USP37: variants seen among roughly 807,000 people sequenced by gnomAD.
USP37 encodes ubiquitin specific peptidase 37.
USP37 carries 27 observed loss-of-function variants against 124.0 expected under a neutral mutation model. The ratio of observed to expected loss-of-function variants is 0.22; its 90% CI spans 0.16 to 0.30. USP37 has a LOEUF of 0.30. Ranked by LOEUF, USP37 falls within the 10% of genes least tolerant of loss-of-function variation. The probability of loss-of-function intolerance (pLI) is 1.00; values close to 1 mark genes in which losing one functional copy is unlikely to be tolerated. For synonymous variants in USP37, 365 were observed against 388.0 expected (o/e 0.94, Z 0.70); for missense variants, 889 against 1,140.4 (o/e 0.78, Z 3.17).
rs1381312889 is a variant in USP37, at chr2:218,459,783, C to T, written c.2643+7G>A. ...GACCAACTGTACTCAGGAATGAAAA[C>T]AATTACCTCAGCATTTCTTTTCAGT... On this transcript the variant is annotated splice_region_variant and intron_variant, in intron 23 of 25. Transcript: ENST00000258399. 3.7e-6 allele frequency: 6 copies of T among 1,608,546 alleles called. No homozygotes were observed. The highest frequency in any genetic ancestry group is 5.1e-6 in the Non-Finnish European group (6 of 1,176,172).
intron 11 of USP37, among the ~76,000 whole-genome samples, chr2:218,502,273 G>A (rs1460237168): frequency 6.6e-6 from 1 of 151,994 alleles, no homozygotes; most frequent in African/African-American, 2.4e-5. Flanking sequence ...AGAAGTGAAA[G>A]ATTTTTTAAA....
rs148133134 is a variant in USP37, at chr2:218,532,889, A to G, written c.778+1720T>C. On this transcript the variant is annotated intron_variant, in intron 9 of 25. Coordinates refer to ENST00000258399, the MANE Select transcript of USP37 (RefSeq NM_020935.3). ...GGATGCAGTGAGACAAGATCACACC[A>G]CTGAACTCCAGCCAGGGCGACAGAG... 2.0e-4 allele frequency among the ~76,000 whole-genome samples: 30 copies of G among 152,000 alleles called. 2 individuals are homozygous for G. In the East Asian group the frequency reaches 5.6e-3, roughly 28 times the overall value.
intron 19 of USP37, 148 bp from the exon 20 acceptor site, chr2:218,475,033 C>T (rs1690890404): frequency 1.6e-6 from 1 of 644,024 alleles, no homozygotes; most frequent in East Asian, 3.0e-5. Context: ...AATATATAAA[C>T]TAAATGGTGA....
intron 10 of USP37, among the ~76,000 whole-genome samples, chr2:218,518,839 C>T (rs1690437862): frequency 6.6e-6 from 1 of 151,976 alleles, no homozygotes; most frequent in South Asian, 2.1e-4. Context: ...CAATTAAGCC[C>T]ACAGTGTGAT....
At chr2:218,485,632 T>C (rs761749145) in intron 16 of USP37, 32 bp downstream of exon 16, 18 of 1,113,988 alleles carry the variant, frequency 1.6e-5, no homozygotes, top group African/African-American at 1.2e-4. Flanking sequence ...CTTTAGTCCA[T>C]AGCAAAAAAA....
chr2:218,474,634 C>T lies in USP37; in HGVS notation c.2295G>A (p.Glu765=). 1.9e-6 allele frequency: 3 copies of T among 1,614,086 alleles called. No homozygotes were observed. Among genetic ancestry groups the T allele is most frequent in the Non-Finnish European group, 2.5e-6 (3 of 1,180,008 alleles). ...TTTAATCTTCATTAAACCTACCCAG[C>T]TCTGTGATTGTTTTGGGCTTCTCAG... ...METEKPKTIT[E]LDPASFTEIT... The change falls in exon 20 of 26, where the codon GAG becomes GAA. Residue 765 remains glutamate, a synonymous_variant. Coordinates refer to ENST00000258399, the MANE Select transcript of USP37 (RefSeq NM_020935.3).
intron 10 of USP37, among the ~76,000 whole-genome samples, chr2:218,510,686 T>C (rs1002920138): frequency 1.3e-5 from 2 of 152,226 alleles, no homozygotes; most frequent in African/African-American, 4.8e-5. Flanking sequence ...TTTACATTAC[T>C]TATTATTATC....
chr2:218,509,956 G>A (rs1205796987), intron 11 of USP37, 23 bp downstream of exon 11: 6 of 1,502,152 alleles, frequency 4.0e-6, no homozygotes, highest in Non-Finnish European at 5.4e-6. Flanking sequence ...AAAAAAGAAA[G>A]TAAAATGAAA....
In USP37 at chr2:218,454,503, G is replaced by A. The variant is rs1475263628; in HGVS notation, c.*427C>T. ...TAAGTATGTCTTCACACATTTCTCA[G>A]GTGAATGGACTCTTTGACACCTTCA... is the stretch of plus-strand genomic sequence containing the variant. On this transcript the variant is annotated 3_prime_UTR_variant, in exon 26 of 26. Coordinates refer to ENST00000258399, the MANE Select transcript of USP37 (RefSeq NM_020935.3). 1 of 154,920 alleles carries A rather than the reference G, an allele frequency of 6.5e-6. No individual in the cohort carries two copies. Among genetic ancestry groups the A allele is most frequent in the East Asian group, 1.9e-4 (1 of 5,268 alleles). 9.6% of individuals were successfully genotyped at this position (154,920 alleles called of 1,614,324 possible).
At chr2:218,554,622 C>T (rs1160445934) in intron 4 of USP37, among the ~76,000 whole-genome samples, 4 of 152,070 alleles carry the variant, frequency 2.6e-5, no homozygotes, top group African/African-American at 7.2e-5. Flanking sequence ...TGGAGCACAC[C>T]TGTAGTCCCA....
chr2:218,534,688 T>C lies in USP37; in HGVS notation c.699A>G (p.Thr233=), dbSNP rs1246374633. 15 of 1,605,896 alleles carry C rather than the reference T, an allele frequency of 9.3e-6. No individual in the cohort carries two copies. Among genetic ancestry groups the C allele is most frequent in the Non-Finnish European group, 1.2e-5 (14 of 1,176,248 alleles). ...NDSSSNNKAM[T]DPSRKYLTSS... ...TGGTTAAATACTTTCTGGAGGGATC[T>C]GTCATGGCCTTGTTGTTCCTATAGT... The change falls in exon 9 of 26, where the codon ACA becomes ACG. Residue 233 remains threonine (T), a synonymous_variant. Transcript: ENST00000258399.
intron 11 of USP37, among the ~76,000 whole-genome samples, chr2:218,499,586 T>C (rs1282315208): frequency 4.6e-5 from 7 of 152,234 alleles, no homozygotes; most frequent in Non-Finnish European, 1.0e-4. Flanking sequence ...TATACGTTTC[T>C]TAATTCAATT....
intron 10 of USP37, among the ~76,000 whole-genome samples, chr2:218,511,454 G>A (rs1271409284): frequency 2.0e-5 from 3 of 152,148 alleles, no homozygotes; most frequent in African/African-American, 2.4e-5. Context: ...GACTACAGGC[G>A]TGCGCCACCA....
In USP37 at chr2:218,453,656, T is replaced by A. The variant is rs904374617; in HGVS notation, c.*1274A>T. ...GGTTACGTCAGCTAAGTGACTAGCATAGCACTTAATGTTGCCGCTCTACTT... is the reference window on the plus strand; with the variant it reads ...GGTTACGTCAGCTAAGTGACTAGCAAAGCACTTAATGTTGCCGCTCTACTT... On this transcript the variant is annotated 3_prime_UTR_variant, in exon 26 of 26. Coordinates refer to ENST00000258399, the MANE Select transcript of USP37 (RefSeq NM_020935.3). 1 of 152,218 alleles carries A rather than the reference T, an allele frequency of 6.6e-6. No individual in the cohort carries two copies. The highest frequency in any genetic ancestry group is 6.6e-5 in the Admixed American group (1 of 15,264). 9.4% of individuals were successfully genotyped at this position (152,218 alleles called of 1,614,324 possible). A position where few individuals can be genotyped will look rare whatever the true frequency, so the allele number is the denominator to read the frequency against.
intron 10 of USP37, among the ~76,000 whole-genome samples, chr2:218,523,113 C>T (rs1236142955): frequency 1.3e-5 from 2 of 151,958 alleles, no homozygotes; most frequent in African/African-American, 4.8e-5. Context: ...CCGTCTCTAC[C>T]AAAAATACAA....
intron 20 of USP37, 103 bp from the exon 21 acceptor site, chr2:218,466,279 A>T: frequency 7.8e-7 from 1 of 1,288,324 alleles, no homozygotes. Context: ...CCCTAATTTC[A>T]TCTATAATTT....
At chr2:218,524,193 A>T (rs563153) in intron 10 of USP37, among the ~76,000 whole-genome samples, 150,876 of 152,342 alleles carry the variant, frequency 0.99, 74,729 homozygotes, top group Middle Eastern at 1. Flanking sequence ...TGTGTTCATA[A>T]GTGAAAAACT....
intron 22 of USP37, among the ~76,000 whole-genome samples, chr2:218,460,310 A>C (rs1360994660): frequency 6.6e-6 from 1 of 152,064 alleles, no homozygotes; most frequent in East Asian, 1.9e-4. Context: ...TTAGAAAGAT[A>C]AAATAGTTTG....
intron 14 of USP37, among the ~76,000 whole-genome samples, chr2:218,490,296 G>A (rs80188671): frequency 6.6e-6 from 1 of 152,126 alleles, no homozygotes; most frequent in Non-Finnish European, 1.5e-5. Flanking sequence ...AGCCGAGATC[G>A]CACTACTGCA....
Sources: allele counts gnomAD v4.1 joint callset (sites outside exome capture counted in the v4.1 genomes callset), GRCh38; gene constraint gnomAD v4.1.1; transcripts MANE v1.5; gene names NCBI Gene and HGNC (gene_info 2026-07-23, HGNC 2026-07-21).